Variants in PXN observed in about 807,000 individuals in gnomAD.
PXN encodes testicular tissue protein Li 134.
Under a neutral mutation model 103.6 loss-of-function variants are expected in PXN, and 61 were observed. That is an observed-to-expected ratio of 0.59 (90% confidence interval 0.48 to 0.73). The LOEUF is 0.73. Ranked by LOEUF, PXN falls within the 30% of genes least tolerant of loss-of-function variation. The pLI is 0.00. For synonymous variants in PXN, 562 were observed against 607.8 expected (o/e 0.92, Z 1.11); for missense variants, 1,274 against 1,460.3 (o/e 0.87, Z 2.08).
intron 1 of PXN, chr12:120,248,741 T>C (rs1009465726): frequency 4.6e-5 from 7 of 152,156 alleles, no homozygotes; most frequent in African/African-American, 1.7e-4. Flanking sequence ...TGTCGTCAGC[T>C]AGAATACCTA....
Position 120,256,240 on chromosome 12 carries a change from G to A in PXN, c.13+9377C>T, listed in dbSNP as rs76265428. 8.0e-3 allele frequency among the ~76,000 whole-genome samples: 1,215 copies of A among 151,838 alleles called. 26 individuals are homozygous for A. In the East Asian group the frequency reaches 0.1, roughly 13 times the overall value. On this transcript the variant is annotated intron_variant, in intron 1 of 14. Coordinates refer to ENST00000637617, the MANE Select transcript of PXN (RefSeq NM_001385981.1). ...AGCCTGAGAAACATAATGAGACTCCGGCTGTATAAAAAATAAAAAATTGGC... is the reference window on the plus strand; with the variant it reads ...AGCCTGAGAAACATAATGAGACTCCAGCTGTATAAAAAATAAAAAATTGGC...
At chr12:120,226,652 C>T (rs890498299) in intron 1 of PXN, 2 of 1,169,440 alleles carry the variant, frequency 1.7e-6, no homozygotes, top group African/African-American at 1.6e-5. Flanking sequence ...GAGCACAGAT[C>T]CCTAGGCTGG....
chr12:120,230,670 A>G (rs2136407266), intron 1 of PXN, among the ~76,000 whole-genome samples: 1 of 148,120 alleles, frequency 6.8e-6, no homozygotes, highest in Non-Finnish European at 1.5e-5. Context: ...CCCAGCCCAG[A>G]GCACATGAGC....
At chr12:120,256,122 A>C (rs1892979085) in intron 1 of PXN, among the ~76,000 whole-genome samples, 1 of 152,056 alleles carries the variant, frequency 6.6e-6, no homozygotes, top group African/African-American at 2.4e-5. Context: ...AAAAAGAGGG[A>C]AACAGGCAAG....
At chr12:120,253,328 C>G (rs1892503168) in intron 1 of PXN, among the ~76,000 whole-genome samples, 1 of 152,004 alleles carries the variant, frequency 6.6e-6, no homozygotes, top group Non-Finnish European at 1.5e-5. Context: ...TGAAAAGTAG[C>G]CAGGCATGAT....
At chr12:120,247,136 T>C (rs1891307494) in intron 1 of PXN, among the ~76,000 whole-genome samples, 1 of 152,218 alleles carries the variant, frequency 6.6e-6, no homozygotes, top group African/African-American at 2.4e-5. Context: ...ACCACATTGA[T>C]AATTACTTTA....
chr12:120,214,754 C>T lies in PXN; in HGVS notation c.2748+71G>A. ...CTCTCTGAGCCTCCCACGGCACCCCCTGCATCCTCAGAGGGCTGCGGTGAA... is the reference window on the plus strand; with the variant it reads ...CTCTCTGAGCCTCCCACGGCACCCCTTGCATCCTCAGAGGGCTGCGGTGAA... On this transcript the variant is annotated intron_variant, in intron 12 of 14. Transcript: ENST00000637617. This position sits in a 1 kb window ranked among gnomAD's most constrained non-coding sequence, Gnocchi z 5.0. The T allele has an allele frequency of 1.3e-6, 2 of 1,580,466 alleles. No homozygotes were observed. The highest frequency in any genetic ancestry group is 1.7e-6 in the Non-Finnish European group (2 of 1,157,854).
chr12:120,238,947 C>T (rs1006868998), intron 1 of PXN, among the ~76,000 whole-genome samples: 3 of 152,214 alleles, frequency 2.0e-5, no homozygotes, highest in East Asian at 1.9e-4. Context: ...GCTTCTGCCC[C>T]CTAACTACTG....
intron 1 of PXN, among the ~76,000 whole-genome samples, chr12:120,264,734 T>TCAGG (rs2136762810): frequency 6.6e-6 from 1 of 152,308 alleles, no homozygotes; most frequent in South Asian, 2.1e-4. Flanking sequence ...CAGGACACGT[T>TCAGG]CAGGGATGGT....
Position 120,216,035 on chromosome 12 carries a change from C to A in PXN, c.2301+238G>T, listed in dbSNP as rs750409519. 2 of 1,317,024 alleles carry A rather than the reference C, an allele frequency of 1.5e-6. No homozygotes were observed. Among genetic ancestry groups the A allele is most frequent in the Non-Finnish European group, 1.9e-6 (2 of 1,034,704 alleles). 81.6% of individuals were successfully genotyped at this position (1,317,024 alleles called of 1,614,324 possible). ...GCCCGGGGCAGTACTGAGGACCAGT[C>A]GAGGAAGGAGCAGACATGGGTGGAC... On this transcript the variant is annotated intron_variant, in intron 9 of 14. Transcript: ENST00000637617. The surrounding 1 kb of genome is among the most constrained non-coding windows in gnomAD (Gnocchi z 5.1).
At chr12:120,241,816 G>A (rs371909700) in intron 1 of PXN, among the ~76,000 whole-genome samples, 1 of 152,192 alleles carries the variant, frequency 6.6e-6, no homozygotes, top group Admixed American at 6.5e-5. Flanking sequence ...GAAGGAAGGC[G>A]GTCAGCAGCG....
At chr12:120,226,189 C>T (rs1200269620) in intron 1 of PXN, 3 of 1,225,600 alleles carry the variant, frequency 2.4e-6, no homozygotes, top group Non-Finnish European at 3.1e-6. Context: ...CTCATTTCCT[C>T]TGGGCCCAAT....
intron 1 of PXN, among the ~76,000 whole-genome samples, chr12:120,262,163 C>T (rs150346524): frequency 6.6e-6 from 1 of 152,182 alleles, no homozygotes; most frequent in Non-Finnish European, 1.5e-5. Context: ...CCTCTGCCCC[C>T]CTAGCACTAC....
chr12:120,248,240 G>C (rs1161676245), intron 1 of PXN, among the ~76,000 whole-genome samples: 1 of 152,064 alleles, frequency 6.6e-6, no homozygotes, highest in Admixed American at 6.5e-5. Context: ...TTTGCTCACG[G>C]TAGAAGAGGG....
At position 120,229,977 on chromosome 12, in the gene PXN, C is replaced by T. The variant is rs536762483; in HGVS notation, c.14-5600G>A. ...CAGGCAGAACTAGAAGAGGTATAGT[C>T]CTGTGGCCCTCAGGCAGCGCCCCAC... On this transcript the variant is annotated intron_variant, in intron 1 of 14. Transcript: ENST00000637617. The surrounding 1 kb of genome is among the most constrained non-coding windows in gnomAD (Gnocchi z 4.0). 4.4e-4 allele frequency among the ~76,000 whole-genome samples: 67 copies of T among 152,308 alleles called. No homozygotes were observed. The highest frequency in any genetic ancestry group is 1.5e-3 in the African/African-American group (63 of 41,558).
At chr12:120,261,824 G>A (rs1467728666) in intron 1 of PXN, among the ~76,000 whole-genome samples, 1 of 152,234 alleles carries the variant, frequency 6.6e-6, no homozygotes, top group East Asian at 1.9e-4. Context: ...CCAGTAGGCT[G>A]AGCATTTCTC....
In PXN at chr12:120,211,769, G is replaced by A. The variant is rs531031723; in HGVS notation, c.*545C>T. The stretch of plus-strand genomic sequence containing the variant: ...GTCGCCAGGCCTAGGGCACTGGAAG[G>A]GTAGGAGGAGCACAGAGAACCTTCC... On this transcript the variant is annotated 3_prime_UTR_variant, in exon 15 of 15. Transcript: ENST00000637617. 82 of 386,020 alleles carry A rather than the reference G, an allele frequency of 2.1e-4. No homozygotes were observed. Among genetic ancestry groups the A allele is most frequent in the South Asian group, 1.5e-3 (79 of 54,202 alleles). 23.9% of individuals were successfully genotyped at this position (386,020 alleles called of 1,614,324 possible).
In PXN at chr12:120,219,578, T is replaced by C; in HGVS notation, c.1345A>G (p.Met449Val). ...CTTCGAGCAGCTCCAGAGGGGGGCA[T>C]TCTCTCAGGCCCGAATACCTCCGAA... ...WASEVFGPER[M>V]PPSGAARSFQ... The change falls in exon 7 of 15, where the codon ATG becomes GTG. Residue 449 changes from methionine (M) to valine (V), a missense_variant. Met to Val is a conservative substitution (Grantham distance 21, BLOSUM62 1). Around this residue, in one of 2 missense-constraint regions of PXN, gnomAD observed 1,178 missense variants for 1,309.0 expected, o/e 0.90. Transcript: ENST00000637617. The surrounding 1 kb of genome is among the most constrained non-coding windows in gnomAD (Gnocchi z 6.5). The C allele has an allele frequency of 1.3e-6, 2 of 1,571,048 alleles. No homozygotes were observed. The highest frequency in any genetic ancestry group is 1.7e-6 in the Non-Finnish European group (2 of 1,166,036).
chr12:120,216,597 G>A lies in PXN; in HGVS notation c.1993-16C>T. ...GGAAGACAACCTGGGGAGAAGAAAG[G>A]AGGGAGAGCGATGAGGAAGAAATCG... On this transcript the variant is annotated splice_polypyrimidine_tract_variant and intron_variant, in intron 8 of 14. Transcript: ENST00000637617. This position sits in a 1 kb window ranked among gnomAD's most constrained non-coding sequence, Gnocchi z 5.1. The A allele has an allele frequency of 6.8e-7, 1 of 1,472,406 alleles. No individual in the cohort carries two copies. The highest frequency in any genetic ancestry group is 8.9e-7 in the Non-Finnish European group (1 of 1,125,152). The allele number at this position is 1,472,406 out of a possible 1,614,324, so 91.2% of individuals were successfully genotyped here. A position where few individuals can be genotyped will look rare whatever the true frequency, so the allele number is the denominator to read the frequency against.
Sources: gnomAD v4.1 joint callset for allele counts (sites outside exome capture counted in the v4.1 genomes callset) on GRCh38, gnomAD v4.1.1 for gene constraint, gnomAD v4.1.1 regional missense constraint, Gnocchi (gnomAD v3.1) non-coding constraint, MANE v1.5 for transcripts, NCBI Gene and HGNC (gene_info 2026-07-23, HGNC 2026-07-21) for gene names.